SHROOM2: variants seen among roughly 807,000 people sequenced by gnomAD.
The protein encoded by SHROOM2 is shroom family member 2.
In SHROOM2, 33 loss-of-function variants were observed where a neutral mutation model predicts 75.9. The observed-to-expected ratio is 0.43, with a 90% CI of 0.33 to 0.58. The LOEUF is 0.58. Among genes scored for constraint, SHROOM2 ranks in the 20% least tolerant of loss-of-function variants. SHROOM2 has a pLI of 0.04. For synonymous variants in SHROOM2, 655 were observed against 663.6 expected (o/e 0.99, Z 0.20); for missense variants, 1,434 against 1,461.2 (o/e 0.98, Z 0.30).
At chrX:9,809,788 C>T (rs1416127896) in intron 1 of SHROOM2, among the ~76,000 whole-genome samples, 1 of 112,246 alleles carries the variant, frequency 8.9e-6, no homozygotes. Flanking sequence ...CCTGCCTCAG[C>T]CTCCCGAGTA....
intron 1 of SHROOM2, among the ~76,000 whole-genome samples, chrX:9,864,681 C>T (rs972720222): frequency 6.5e-5 from 7 of 108,509 alleles, no homozygotes; most frequent in South Asian, 4.0e-4. Flanking sequence ...AAAAATTAGC[C>T]GGGCGTAGTG....
chrX:9,807,411 C>T (rs1488569940), intron 1 of SHROOM2, among the ~76,000 whole-genome samples: 2 of 112,101 alleles, frequency 1.8e-5, no homozygotes, highest in Non-Finnish European at 3.8e-5. Context: ...TTTCCATGAG[C>T]CTGGGCTGAG....
chrX:9,808,808 G>T (rs768493235), intron 1 of SHROOM2, among the ~76,000 whole-genome samples: 1 of 110,651 alleles, frequency 9.0e-6, no homozygotes, highest in Non-Finnish European at 1.9e-5. Context: ...GTTGCAGTGA[G>T]CCAAGTTCGC....
chrX:9,875,080 CAAAAAAAAAAAAAAA>C (rs375824306), intron 2 of SHROOM2, among the ~76,000 whole-genome samples: 14 of 12,338 alleles, frequency 1.1e-3, no homozygotes, highest in Middle Eastern at 0.11. Flanking sequence ...GACCCTGTCT[CAAAAAAAAAAAAAAA>C]AAAAAAAAAA....
At chrX:9,914,833 G>A (rs774326300) in intron 5 of SHROOM2, among the ~76,000 whole-genome samples, 1 of 111,930 alleles carries the variant, frequency 8.9e-6, no homozygotes, top group African/African-American at 3.2e-5. Context: ...CAGTCTGGTG[G>A]GCTCCTGCGG....
intron 4 of SHROOM2, 110 bp downstream of exon 4, chrX:9,896,808 T>A: frequency 1.1e-6 from 1 of 877,948 alleles, no homozygotes; most frequent in Non-Finnish European, 1.5e-6. Flanking sequence ...GTGCGAGCAT[T>A]TACCTTTTCC....
At chrX:9,899,276 A>T (rs2147021745) in intron 5 of SHROOM2, among the ~76,000 whole-genome samples, 1 of 108,567 alleles carries the variant, frequency 9.2e-6, no homozygotes, top group East Asian at 2.9e-4. Flanking sequence ...AAAAAAAAAT[A>T]GTATAATCTT....
At chrX:9,921,475 A>G (rs2084544591) in intron 5 of SHROOM2, among the ~76,000 whole-genome samples, 1 of 110,493 alleles carries the variant, frequency 9.1e-6, no homozygotes, top group African/African-American at 3.3e-5. Context: ...TTTTGTTGTC[A>G]TTGATAAGAT....
chrX:9,887,405 C>T (rs1269800873), intron 2 of SHROOM2, among the ~76,000 whole-genome samples: 1 of 112,218 alleles, frequency 8.9e-6, no homozygotes, highest in African/African-American at 3.2e-5. Flanking sequence ...TCAGTGCTTT[C>T]GGAGGCTGAG....
intron 5 of SHROOM2, among the ~76,000 whole-genome samples, chrX:9,915,003 G>C (rs757390008): frequency 8.9e-6 from 1 of 112,249 alleles, no homozygotes; most frequent in Admixed American, 9.4e-5. Flanking sequence ...ACAGAAACCC[G>C]TTAATCAGGC....
chrX:9,821,553 G>T (rs768061695), intron 1 of SHROOM2, among the ~76,000 whole-genome samples: 15 of 111,614 alleles, frequency 1.3e-4, no homozygotes, highest in African/African-American at 4.9e-4. Flanking sequence ...CATGTAATGC[G>T]TGTTTTGAAA....
At chrX:9,936,549 G>A (rs372926099) in intron 6 of SHROOM2, among the ~76,000 whole-genome samples, 1 of 112,198 alleles carries the variant, frequency 8.9e-6, no homozygotes, top group African/African-American at 3.2e-5. Context: ...CGGGCGGGGG[G>A]TACAAGGACA....
rs2083668701 is a variant in SHROOM2, at chrX:9,792,161, A to ATAGAATAGAATAGAATAG, written c.165+5452_165+5453insAGAATAGAATAGAATAGT. Among the ~76,000 whole-genome samples the ATAGAATAGAATAGAATAG allele has an allele frequency of 4.0e-5, 4 of 99,803 alleles. 2 individuals carry two copies. Among genetic ancestry groups the ATAGAATAGAATAGAATAG allele is most frequent in the African/African-American group, 1.5e-4 (4 of 27,297 alleles). The allele number at this position is 99,803 out of a possible 115,157, so 86.7% of individuals were successfully genotyped here. A position where few individuals can be genotyped will look rare whatever the true frequency, so the allele number is the denominator to read the frequency against. On this transcript the variant is annotated intron_variant, in intron 1 of 9. Transcript: ENST00000380913. ...GAATAGAATAGAATAGAATAGAATA[A>ATAGAATAGAATAGAATAG]TCACCAGTATCTGATACAGGGAGGG... is the stretch of plus-strand genomic sequence containing the variant.
At chrX:9,941,856 AG>A (rs755658761) in intron 8 of SHROOM2, among the ~76,000 whole-genome samples, 109 of 107,635 alleles carry the variant, frequency 1.0e-3, no homozygotes, top group Non-Finnish European at 1.9e-3. Flanking sequence ...CTGTAGTCCC[AG>A]CTACTCGGGA....
Position 9,895,638 on chromosome X carries a change from G to T in SHROOM2, c.1730G>T (p.Ser577Ile), listed in dbSNP as rs887539258. 56 of 1,163,412 alleles carry T rather than the reference G, an allele frequency of 4.8e-5. No individual in the cohort carries two copies. Among genetic ancestry groups the T allele is most frequent in the Non-Finnish European group, 6.3e-5 (55 of 874,966 alleles). Residue 577 changes from serine (S) to isoleucine (I), a missense_variant, in exon 4 of 10, where the codon AGC (serine) becomes ATC (isoleucine). By Grantham distance (142) the Ser-to-Ile change is moderately radical. Around this residue, in one of 3 missense-constraint regions of SHROOM2, gnomAD observed 1,340 missense variants for 1,338.3 expected, o/e 1.00. Transcript: ENST00000380913. ...ATCACGTGGGCAGATGGGGAGAGCA[G>T]CAGGATCTGCCCGCAGGAGACGCCC... is the stretch of plus-strand genomic sequence containing the variant. ...ASITWADGES[S>I]RICPQETPLL...
At chrX:9,884,835 A>G (rs1202471644) in intron 2 of SHROOM2, among the ~76,000 whole-genome samples, 2 of 111,570 alleles carry the variant, frequency 1.8e-5, no homozygotes, top group Non-Finnish European at 3.8e-5. Flanking sequence ...GTACCAGAAA[A>G]CTCGATATTG....
intron 1 of SHROOM2, among the ~76,000 whole-genome samples, chrX:9,831,054 G>A (rs2083913712): frequency 8.9e-6 from 1 of 111,937 alleles, no homozygotes; most frequent in Admixed American, 9.5e-5. Flanking sequence ...TTGAACCCAT[G>A]GAACTACACA....
intron 1 of SHROOM2, among the ~76,000 whole-genome samples, chrX:9,816,766 C>T (rs759509339): frequency 4.5e-5 from 5 of 110,617 alleles, no homozygotes; most frequent in Non-Finnish European, 7.6e-5. Flanking sequence ...GCTCTCTTGT[C>T]ATTTCCCACT....
At chrX:9,791,790 C>G (rs1448386079) in intron 1 of SHROOM2, among the ~76,000 whole-genome samples, 1 of 110,019 alleles carries the variant, frequency 9.1e-6, no homozygotes, top group Non-Finnish European at 1.9e-5. Context: ...GTCGGGAGTT[C>G]AGGACCAGCC....
Sources: allele counts gnomAD v4.1 joint callset (sites outside exome capture counted in the v4.1 genomes callset), GRCh38; gene constraint gnomAD v4.1.1; regional missense constraint gnomAD v4.1.1; transcripts MANE v1.5; gene names NCBI Gene and HGNC (gene_info 2026-07-23, HGNC 2026-07-21).